FAM184A: variants seen among roughly 807,000 people sequenced by gnomAD.
FAM184A encodes protein FAM184A.
A neutral mutation model predicts 143.8 loss-of-function variants in FAM184A; 99 were observed. That is an observed-to-expected ratio of 0.69 (90% CI 0.58 to 0.81). FAM184A has a LOEUF of 0.81. FAM184A is among the 40% of genes least tolerant of loss of function. The pLI is 0.00. For missense variants in FAM184A, 1,217 were observed against 1,310.5 expected (o/e 0.93, Z 1.10); for synonymous variants, 427 against 446.4 (o/e 0.96, Z 0.55).
rs745974210 is a variant in FAM184A, at chr6:119,016,919, T to G, written c.1358A>C (p.Gln453Pro). Residue 453 changes from glutamine to proline, a missense_variant, in exon 5 of 18, where the codon CAG becomes CCG. Transcript: ENST00000338891. Reference sequence around the variant, plus strand: ...AAGTTCCCTTTCATAATATTCTTGCTGAGTTCTCTTTGCTTCATTTACTTT... The same window carrying G: ...AAGTTCCCTTTCATAATATTCTTGCGGAGTTCTCTTTGCTTCATTTACTTT... ...EKKVNEAKRT[Q>P]QEYYERELKN... The G allele has an allele frequency of 6.2e-7, 1 of 1,611,684 alleles. No individual in the cohort carries two copies. Among genetic ancestry groups the G allele is most frequent in the Non-Finnish European group, 8.5e-7 (1 of 1,179,128 alleles).
chr6:118,978,413 C>T (rs1025290307), intron 11 of FAM184A, among the ~76,000 whole-genome samples: 4 of 152,204 alleles, frequency 2.6e-5, no homozygotes, highest in Non-Finnish European at 1.5e-5. Context: ...GCGACCTCTA[C>T]ATTTCACTAC....
At chr6:119,000,236 T>C (rs989640764) in intron 9 of FAM184A, among the ~76,000 whole-genome samples, 1 of 152,176 alleles carries the variant, frequency 6.6e-6, no homozygotes, top group African/African-American at 2.4e-5. Context: ...AAATCACAAA[T>C]AGAAAATATG....
intron 1 of FAM184A, among the ~76,000 whole-genome samples, chr6:119,147,135 A>T (rs1477206317): frequency 1.3e-5 from 2 of 151,154 alleles, no homozygotes; most frequent in Non-Finnish European, 1.5e-5. Context: ...AATACCACGA[A>T]CACAAGCACC....
chr6:119,094,452 G>A (rs1222349306), intron 1 of FAM184A, among the ~76,000 whole-genome samples: 1 of 152,152 alleles, frequency 6.6e-6, no homozygotes, highest in Non-Finnish European at 1.5e-5. Flanking sequence ...TACTATATAA[G>A]TGAAGCTTTC....
chr6:119,143,574 G>C (rs1417653599), intron 1 of FAM184A, among the ~76,000 whole-genome samples: 1 of 152,204 alleles, frequency 6.6e-6, no homozygotes, highest in East Asian at 1.9e-4. Context: ...TCCCACAGCA[G>C]ATGAATGGAT....
intron 1 of FAM184A, among the ~76,000 whole-genome samples, chr6:119,113,292 A>T (rs1788978509): frequency 6.6e-6 from 1 of 152,156 alleles, no homozygotes; most frequent in Non-Finnish European, 1.5e-5. Flanking sequence ...TAATTTCCCC[A>T]GATCTCCCTG....
At chr6:119,109,682 A>G (rs1788880995) in intron 1 of FAM184A, among the ~76,000 whole-genome samples, 1 of 152,234 alleles carries the variant, frequency 6.6e-6, no homozygotes, top group African/African-American at 2.4e-5. Flanking sequence ...TAATGAACAG[A>G]GACTCCCACA....
chr6:119,018,494 C>T (rs1255714542), intron 4 of FAM184A, among the ~76,000 whole-genome samples: 1 of 152,106 alleles, frequency 6.6e-6, no homozygotes, highest in African/African-American at 2.4e-5. Context: ...GGATAGAATA[C>T]AGGATACAAG....
At chr6:119,120,329 C>T (rs1789178356) in intron 1 of FAM184A, among the ~76,000 whole-genome samples, 2 of 152,142 alleles carry the variant, frequency 1.3e-5, no homozygotes, top group African/African-American at 4.8e-5. Context: ...TGTTTTAGTA[C>T]GTATCTATAT....
intron 5 of FAM184A, 56 bp from the exon 6 acceptor site, chr6:119,011,487 A>G: frequency 3.7e-6 from 4 of 1,072,116 alleles, no homozygotes; most frequent in Non-Finnish European, 5.3e-6. Context: ...ATATACTTTG[A>G]AGACTCTAAG....
chr6:119,141,731 C>T (rs1393852169), intron 1 of FAM184A, among the ~76,000 whole-genome samples: 1 of 152,062 alleles, frequency 6.6e-6, no homozygotes, highest in Non-Finnish European at 1.5e-5. Flanking sequence ...CCTACCTTGG[C>T]CTCCCAAAGT....
intron 1 of FAM184A, among the ~76,000 whole-genome samples, chr6:119,126,589 G>C (rs563059833): frequency 5.3e-5 from 8 of 152,330 alleles, no homozygotes; most frequent in African/African-American, 1.9e-4. Context: ...AACATCTAGA[G>C]GGGGAGTACC....
intron 1 of FAM184A, among the ~76,000 whole-genome samples, chr6:119,147,067 TTTTTTTTTTTTG>T (rs200394688): frequency 0.011 from 1,358 of 125,864 alleles, 19 homozygotes; most frequent in African/African-American, 0.037. Flanking sequence ...AGGCTCTGTT[TTTTTTTTTTTTG>T]TTTTTTTGTC....
In FAM184A at chr6:119,078,442, TC is replaced by T; in HGVS notation, c.-144del. ...CCCCCAGACTCGGCCGCAGGCGCCG[TC>T]CCACCCGCGACCCCCGGGTCACCCC... On this transcript the variant is annotated 5_prime_UTR_variant, in exon 1 of 18. Transcript: ENST00000338891. This position sits in a 1 kb window ranked among gnomAD's most constrained non-coding sequence, Gnocchi z 5.5. The T allele has an allele frequency of 3.6e-6, 3 of 831,854 alleles. No individual in the cohort carries two copies. Among genetic ancestry groups the T allele is most frequent in the Non-Finnish European group, 5.1e-6 (3 of 590,394 alleles). The allele number at this position is 831,854 out of a possible 1,614,324, so 51.5% of individuals were successfully genotyped here. A position where few individuals can be genotyped will look rare whatever the true frequency, so the allele number is the denominator to read the frequency against.
intron 1 of FAM184A, among the ~76,000 whole-genome samples, chr6:119,040,195 T>C (rs6919489): frequency 2.5e-4 from 38 of 152,200 alleles, no homozygotes; most frequent in African/African-American, 8.9e-4. Flanking sequence ...TGCCCCTCAG[T>C]TGAATTCTTT....
At chr6:119,127,179 C>T (rs1467560285) in intron 1 of FAM184A, among the ~76,000 whole-genome samples, 1 of 152,208 alleles carries the variant, frequency 6.6e-6, no homozygotes, top group Admixed American at 6.5e-5. Context: ...CCGGGAACCC[C>T]ACCCTTTTAT....
chr6:119,098,979 G>C (rs753330490), intron 1 of FAM184A, among the ~76,000 whole-genome samples: 2 of 152,112 alleles, frequency 1.3e-5, no homozygotes, highest in African/African-American at 2.4e-5. Flanking sequence ...ATGTGGTGGC[G>C]CATGCCTATA....
intron 1 of FAM184A, among the ~76,000 whole-genome samples, chr6:119,037,838 T>C (rs929737426): frequency 2.0e-5 from 3 of 152,206 alleles, no homozygotes; most frequent in African/African-American, 7.2e-5. Context: ...TTTTCTCTTC[T>C]TGAAAAGCAG....
In FAM184A at chr6:118,996,172, AAAC is replaced by A. The variant is rs370056956; in HGVS notation, c.2088+6724_2088+6726del. ...ATAAAATTATTTAGATCAATTCAGA[AAAC>A]AATTTAGCATCATTTATCTTAGAAG... On this transcript the variant is annotated intron_variant, in intron 9 of 17. Transcript: ENST00000338891. Among the ~76,000 whole-genome samples the A allele has an allele frequency of 2.5e-3, 377 of 152,342 alleles. 1 individual carries two copies. The highest frequency in any genetic ancestry group is 4.3e-3 in the Non-Finnish European group (292 of 68,026).
Sources: gnomAD v4.1 joint callset for allele counts (sites outside exome capture counted in the v4.1 genomes callset) on GRCh38, gnomAD v4.1.1 for gene constraint, Gnocchi (gnomAD v3.1) non-coding constraint, MANE v1.5 for transcripts, NCBI Gene and HGNC (gene_info 2026-07-23, HGNC 2026-07-21) for gene names.